The following ITPR1 variants were observed in gnomAD, a reference collection of about 807,000 sequenced individuals.
The protein encoded by ITPR1 is inositol 1,4,5-trisphosphate-gated calcium channel ITPR1.
Under a neutral mutation model 318.4 loss-of-function variants are expected in ITPR1, and 96 were observed. The ratio of observed to expected loss-of-function variants is 0.30; its 90% CI spans 0.26 to 0.36. The LOEUF (loss-of-function observed/expected upper bound fraction) is 0.36. Among genes scored for constraint, ITPR1 ranks in the 10% least tolerant of loss-of-function variants. The pLI is 1.00. For synonymous variants in ITPR1, 1,312 were observed against 1,289.9 expected (o/e 1.02, Z -0.37); for missense variants, 2,440 against 3,460.2 (o/e 0.71, Z 7.40).
At chr3:4,690,102 C>A (rs1380362678) in intron 31 of ITPR1, among the ~76,000 whole-genome samples, 1 of 152,138 alleles carries the variant, frequency 6.6e-6, no homozygotes, top group Non-Finnish European at 1.5e-5. Flanking sequence ...CATGGTGAAA[C>A]CTTATCTCTA....
chr3:4,699,707 C>G (rs1240718784), intron 34 of ITPR1, 106 bp from the exon 35 acceptor site: 5 of 1,083,342 alleles, frequency 4.6e-6, no homozygotes, highest in Non-Finnish European at 6.8e-6. Context: ...GCCAGCAGGC[C>G]TTTACCTTTC....
intron 4 of ITPR1, among the ~76,000 whole-genome samples, chr3:4,522,718 T>C (rs1329471110): frequency 6.6e-6 from 1 of 152,224 alleles, no homozygotes; most frequent in East Asian, 1.9e-4. Flanking sequence ...ACTCATAGAA[T>C]TACTTCCCCA....
intron 10 of ITPR1, among the ~76,000 whole-genome samples, chr3:4,649,181 G>A (rs555454440): frequency 6.6e-6 from 1 of 152,202 alleles, no homozygotes; most frequent in Non-Finnish European, 1.5e-5. Context: ...AACAAGGGAA[G>A]AAGTGAAGTG....
At chr3:4,755,445 C>A (rs933935415) in intron 44 of ITPR1, among the ~76,000 whole-genome samples, 3 of 151,324 alleles carry the variant, frequency 2.0e-5, no homozygotes, top group Non-Finnish European at 2.9e-5. Flanking sequence ...TGCTATGTTG[C>A]CCAGGCTGGT....
intron 46 of ITPR1, among the ~76,000 whole-genome samples, chr3:4,769,689 G>A (rs1168919246): frequency 1.3e-5 from 2 of 152,336 alleles, no homozygotes; most frequent in East Asian, 3.9e-4. Flanking sequence ...TGAGGAAACT[G>A]AGGTGCAGAG....
At chr3:4,735,508 G>A (rs1415297034) in intron 44 of ITPR1, 154 bp downstream of exon 44, 5 of 613,698 alleles carry the variant, frequency 8.1e-6, no homozygotes, top group Admixed American at 2.8e-5. Flanking sequence ...AGTTCTGCTA[G>A]TATCCTGCTG....
At chr3:4,840,842 T>C (rs574377025) in intron 61 of ITPR1, among the ~76,000 whole-genome samples, 4 of 152,360 alleles carry the variant, frequency 2.6e-5, no homozygotes, top group African/African-American at 9.6e-5. Flanking sequence ...GTTTTCTTCA[T>C]AATGCAAAAG....
intron 4 of ITPR1, among the ~76,000 whole-genome samples, chr3:4,615,454 G>A (rs4685779): frequency 0.1 from 15,146 of 145,212 alleles, 1,317 homozygotes; most frequent in East Asian, 0.43. Context: ...TCGTCTCACT[G>A]CAACCCCTGC....
At chr3:4,509,512 C>T (rs181922750) in intron 2 of ITPR1, among the ~76,000 whole-genome samples, 2 of 152,302 alleles carry the variant, frequency 1.3e-5, no homozygotes, top group East Asian at 1.9e-4. Flanking sequence ...AAAAAACAAA[C>T]CAGGTGTGGT....
Position 4,787,939 on chromosome 3 carries a change from C to A in ITPR1, c.6616-8C>A, listed in dbSNP as rs1286314748. 14 of 1,592,640 alleles carry A rather than the reference C, an allele frequency of 8.8e-6. No homozygotes were observed. Among genetic ancestry groups the A allele is most frequent in the African/African-American group, 1.4e-5 (1 of 73,966 alleles). ...GAATATTTAATCTCATCCACTTTTT[C>A]ATCCTAGATTGTCAGATTAGACCGA... On this transcript the variant is annotated splice_region_variant and splice_polypyrimidine_tract_variant and intron_variant, in intron 51 of 61. Coordinates refer to ENST00000649015, the MANE Select transcript of ITPR1 (RefSeq NM_001378452.1).
intron 4 of ITPR1, among the ~76,000 whole-genome samples, chr3:4,586,346 T>C (rs2089897916): frequency 6.6e-6 from 1 of 152,202 alleles, no homozygotes; most frequent in Non-Finnish European, 1.5e-5. Flanking sequence ...TGGTTTACTA[T>C]TGAGGAAAAC....
At chr3:4,664,727 TATC>T (rs2093910090) in intron 16 of ITPR1, among the ~76,000 whole-genome samples, 1 of 152,236 alleles carries the variant, frequency 6.6e-6, no homozygotes, top group African/African-American at 2.4e-5. Context: ...GACTTAAAAT[TATC>T]ATCCATTTTC....
chr3:4,733,859 C>T (rs1206280213), intron 43 of ITPR1, among the ~76,000 whole-genome samples: 1 of 152,150 alleles, frequency 6.6e-6, no homozygotes, highest in Non-Finnish European at 1.5e-5. Context: ...AGTTTAAGCA[C>T]AATTACAGGT....
chr3:4,726,805 C>T (rs775043731), intron 41 of ITPR1, among the ~76,000 whole-genome samples: 1 of 152,138 alleles, frequency 6.6e-6, no homozygotes, highest in African/African-American at 2.4e-5. Flanking sequence ...TGCATTACAA[C>T]CCCTTTTGGG....
intron 61 of ITPR1, among the ~76,000 whole-genome samples, chr3:4,840,125 T>G (rs1332332925): frequency 1.3e-5 from 2 of 149,350 alleles, no homozygotes; most frequent in Non-Finnish European, 3.0e-5. Context: ...TTATGTAACG[T>G]CCTACAAACC....
chr3:4,711,239 A>AT (rs2041346671), intron 38 of ITPR1, among the ~76,000 whole-genome samples: 2 of 141,226 alleles, frequency 1.4e-5, no homozygotes, highest in Non-Finnish European at 1.6e-5. Context: ...AAAAAAAGAG[A>AT]TTTTTACCCT....
intron 4 of ITPR1, among the ~76,000 whole-genome samples, chr3:4,528,389 C>T (rs1254519600): frequency 6.6e-6 from 1 of 152,160 alleles, no homozygotes; most frequent in African/African-American, 2.4e-5. Context: ...CAGATGGGGA[C>T]ACAGGCAGGG....
chr3:4,641,240 C>T (rs976111355), intron 6 of ITPR1, among the ~76,000 whole-genome samples: 9 of 152,276 alleles, frequency 5.9e-5, no homozygotes, highest in South Asian at 2.1e-4. Context: ...CTATCAGACA[C>T]GTTATATCCC....
intron 4 of ITPR1, among the ~76,000 whole-genome samples, chr3:4,614,776 G>C (rs919271161): frequency 6.6e-6 from 1 of 152,210 alleles, no homozygotes; most frequent in Non-Finnish European, 1.5e-5. Context: ...CATAGACAAG[G>C]CTGCTCACCC....
Sources: allele counts gnomAD v4.1 joint callset (sites outside exome capture counted in the v4.1 genomes callset), GRCh38; gene constraint gnomAD v4.1.1; transcripts MANE v1.5; gene names NCBI Gene and HGNC (gene_info 2026-07-23, HGNC 2026-07-21).